Variants in ZC3H12C observed in about 807,000 individuals in gnomAD.
ZC3H12C encodes probable ribonuclease ZC3H12C.
A neutral mutation model predicts 76.3 loss-of-function variants in ZC3H12C; 20 were observed. That is an observed-to-expected ratio of 0.26 (90% CI 0.18 to 0.38). The LOEUF (loss-of-function observed/expected upper bound fraction) is 0.38, where lower values mean the gene tolerates loss of function less well. Among genes scored for constraint, ZC3H12C ranks in the 10% least tolerant of loss-of-function variants. The pLI, the probability that ZC3H12C is intolerant of heterozygous loss-of-function variation, is 1.00. For missense variants in ZC3H12C, 874 were observed against 1,086.5 expected (o/e 0.80, Z 2.75); for synonymous variants, 352 against 399.6 (o/e 0.88, Z 1.42).
Position 110,164,857 on chromosome 11 carries a change from C to G in ZC3H12C, c.1772C>G (p.Ser591Cys). 6.2e-7 allele frequency: 1 copy of G among 1,613,986 alleles called. No homozygotes were observed. Among genetic ancestry groups the G allele is most frequent in the Non-Finnish European group, 8.5e-7 (1 of 1,179,888 alleles). Residue 591 changes from serine to cysteine, a missense_variant, in exon 6 of 6, where the codon TCC (serine) becomes TGC (cysteine). Transcript: ENST00000278590. This position sits in a 1 kb window ranked among gnomAD's most constrained non-coding sequence, Gnocchi z 5.7. ...CDSPVDIGYY[S>C]MLNAYSNLSL... ...TCACCTGTCGACATCGGATATTATT[C>G]CATGTTGAATGCATACTCAAATCTG...
intron 2 of ZC3H12C, among the ~76,000 whole-genome samples, chr11:110,139,758 C>T (rs1387764050): frequency 1.3e-5 from 2 of 152,034 alleles, no homozygotes; most frequent in Non-Finnish European, 2.9e-5. Context: ...GCCTGTATAC[C>T]AGAATTACCA....
chr11:110,104,518 T>C (rs1861283388), intron 1 of ZC3H12C, among the ~76,000 whole-genome samples: 1 of 152,184 alleles, frequency 6.6e-6, no homozygotes, highest in African/African-American at 2.4e-5. Flanking sequence ...TAACATTATA[T>C]ATTAAATTAA....
At chr11:110,161,350 G>A (rs1389644564) in intron 4 of ZC3H12C, among the ~76,000 whole-genome samples, 1 of 152,172 alleles carries the variant, frequency 6.6e-6, no homozygotes, top group Admixed American at 6.5e-5. Context: ...ATGTTATGCA[G>A]TGCGTGACTG....
chr11:110,153,143 C>T, intron 3 of ZC3H12C, 85 bp downstream of exon 3: 1 of 1,484,216 alleles, frequency 6.7e-7, no homozygotes, highest in Non-Finnish European at 9.0e-7. Context: ...ATCCTAAATC[C>T]ATTTCACTTG....
chr11:110,127,620 T>C (rs683738), intron 1 of ZC3H12C, among the ~76,000 whole-genome samples: 107,337 of 151,600 alleles, frequency 0.71, 38,289 homozygotes, highest in East Asian at 0.9. Context: ...ATAGGCTGGG[T>C]GTGGTGGCTC....
chr11:110,132,574 C>T (rs1024171814), intron 1 of ZC3H12C, among the ~76,000 whole-genome samples: 1 of 152,134 alleles, frequency 6.6e-6, no homozygotes, highest in East Asian at 1.9e-4. Context: ...GAAATCTTCA[C>T]AAATCACTAT....
intron 1 of ZC3H12C, among the ~76,000 whole-genome samples, chr11:110,127,861 A>G (rs1023775618): frequency 2.3e-4 from 34 of 150,348 alleles, no homozygotes; most frequent in Non-Finnish European, 4.3e-4. Flanking sequence ...GTGCCACTGT[A>G]CTCCAGCCTG....
chr11:110,137,735 TATG>T (rs1289900129), intron 2 of ZC3H12C, among the ~76,000 whole-genome samples: 2 of 152,214 alleles, frequency 1.3e-5, no homozygotes, highest in African/African-American at 2.4e-5. Context: ...AATAATTTGA[TATG>T]ATAATATTCA....
At chr11:110,155,444 C>G (rs60841624) in intron 3 of ZC3H12C, among the ~76,000 whole-genome samples, 2,228 of 152,106 alleles carry the variant, frequency 0.015, 53 homozygotes, top group African/African-American at 0.049. Flanking sequence ...TCCACTAGTT[C>G]CCCTTCTAAG....
chr11:110,114,506 C>T (rs923749877), intron 1 of ZC3H12C, among the ~76,000 whole-genome samples: 3 of 152,184 alleles, frequency 2.0e-5, no homozygotes, highest in Non-Finnish European at 4.4e-5. Context: ...AACTAAGCAT[C>T]ATCTCTTTCT....
rs775973894 is a variant in ZC3H12C, at chr11:110,152,885, G to T, written c.774-34G>T. The stretch of plus-strand genomic sequence containing the variant: ...ATTAATTTACTTAAATTTAGGTTTT[G>T]TTGTGTTTTAAGTGTTCCGTAATAA... On this transcript the variant is annotated intron_variant, in intron 2 of 5. Coordinates refer to ENST00000278590, the MANE Select transcript of ZC3H12C (RefSeq NM_033390.2). The T allele has an allele frequency of 6.3e-6, 10 of 1,595,808 alleles. No homozygotes were observed. The East Asian group carries it at 1.6e-4, about 25-fold the overall frequency.
At chr11:110,152,690 T>C (rs1862295003) in intron 2 of ZC3H12C, among the ~76,000 whole-genome samples, 2 of 152,212 alleles carry the variant, frequency 1.3e-5, no homozygotes, top group Non-Finnish European at 2.9e-5. Context: ...AACTCACTTT[T>C]GTTTCTTCTC....
chr11:110,159,032 C>G (rs563525750), intron 3 of ZC3H12C, among the ~76,000 whole-genome samples: 4 of 78,396 alleles, frequency 5.1e-5, no homozygotes, highest in African/African-American at 1.3e-4. Flanking sequence ...TTATACTGTT[C>G]GTATTTTTTT....
chr11:110,153,166 A>G (rs1449791874), intron 3 of ZC3H12C, 108 bp downstream of exon 3: 1 of 1,338,308 alleles, frequency 7.5e-7, no homozygotes, highest in African/African-American at 1.5e-5. Context: ...CAGCGCAGGC[A>G]GTGGGACACA....
chr11:110,096,449 T>C (rs1021686716), intron 1 of ZC3H12C, among the ~76,000 whole-genome samples: 7 of 152,230 alleles, frequency 4.6e-5, no homozygotes, highest in Non-Finnish European at 8.8e-5. Flanking sequence ...TCTACATGCA[T>C]TATCTCATTT....
At chr11:110,154,834 TAAAAAA>T (rs5794671) in intron 3 of ZC3H12C, among the ~76,000 whole-genome samples, 14 of 69,842 alleles carry the variant, frequency 2.0e-4, no homozygotes, top group African/African-American at 5.8e-4. Flanking sequence ...ACAGCTTGAT[TAAAAAA>T]AAAAAAAAAA....
intron 1 of ZC3H12C, among the ~76,000 whole-genome samples, chr11:110,113,725 A>G (rs1451495322): frequency 6.6e-6 from 1 of 152,174 alleles, no homozygotes; most frequent in Non-Finnish European, 1.5e-5. Flanking sequence ...CAGTTATTTT[A>G]TAACTCCTTC....
intron 1 of ZC3H12C, among the ~76,000 whole-genome samples, chr11:110,111,462 CAG>C (rs1861426471): frequency 1.3e-5 from 2 of 151,206 alleles, no homozygotes; most frequent in African/African-American, 4.9e-5. Flanking sequence ...AAATAAAAGT[CAG>C]TAACTTATTT....
intron 2 of ZC3H12C, among the ~76,000 whole-genome samples, chr11:110,144,611 C>A (rs1424884695): frequency 6.6e-6 from 1 of 152,078 alleles, no homozygotes; most frequent in Non-Finnish European, 1.5e-5. Context: ...AAGAATAGGT[C>A]TTCTTTGATC....
Sources: gnomAD v4.1 joint callset for allele counts (sites outside exome capture counted in the v4.1 genomes callset) on GRCh38, gnomAD v4.1.1 for gene constraint, Gnocchi (gnomAD v3.1) non-coding constraint, MANE v1.5 for transcripts, NCBI Gene and HGNC (gene_info 2026-07-23, HGNC 2026-07-21) for gene names.